The following BLNK variants were observed in gnomAD, a reference collection of about 807,000 sequenced individuals.
BLNK encodes B cell linker.
BLNK carries 29 observed loss-of-function variants against 73.5 expected under a neutral mutation model. The observed-to-expected ratio is 0.39, with a 90% CI of 0.29 to 0.54. The LOEUF is 0.54. Ranked by LOEUF, BLNK falls within the 20% of genes least tolerant of loss-of-function variation. BLNK has a pLI of 0.61. For missense variants in BLNK, 460 were observed against 562.8 expected (o/e 0.82, Z 1.85); for synonymous variants, 176 against 200.8 (o/e 0.88, Z 1.04).
At chr10:96,203,991 C>A in intron 13 of BLNK, 66 bp downstream of exon 13, 8 of 1,376,458 alleles carry the variant, frequency 5.8e-6, no homozygotes, top group Non-Finnish European at 8.3e-6. Context: ...AGAACCCAGG[C>A]CTATCAGACT....
At position 96,246,823 on chromosome 10, in the gene BLNK, T is replaced by A. The variant is rs185761097; in HGVS notation, c.113+161A>T. On this transcript the variant is annotated intron_variant, in intron 2 of 16. Transcript: ENST00000224337. ...TGCACTCACTTGTCCTGTTCCAGAATGTAGACCTGGCCACCATGGATTCCA... is the reference window on the plus strand; with the variant it reads ...TGCACTCACTTGTCCTGTTCCAGAAAGTAGACCTGGCCACCATGGATTCCA... Among the ~76,000 whole-genome samples, 585 of 152,332 alleles carry A rather than the reference T, an allele frequency of 3.8e-3. 5 individuals carry two copies. The highest frequency in any genetic ancestry group is 0.013 in the African/African-American group (544 of 41,566).
rs2083316937 is a variant in BLNK at position 96,190,858 on chromosome 10, C to T, written c.*1115G>A. Among the ~76,000 whole-genome samples, 1 of 152,212 alleles carries T rather than the reference C, an allele frequency of 6.6e-6. No individual in the cohort carries two copies. Among genetic ancestry groups the T allele is most frequent in the Non-Finnish European group, 1.5e-5 (1 of 68,038 alleles). On this transcript the variant is annotated 3_prime_UTR_variant, in exon 17 of 17. Coordinates refer to ENST00000224337, the MANE Select transcript of BLNK (RefSeq NM_013314.4). ...TTTATTCCTTGGTGTTCACCAATGT[C>T]TGCTTTTCTGCTCTTGTTTTGTGGG...
chr10:96,255,137 C>T (rs1843455839), intron 1 of BLNK, among the ~76,000 whole-genome samples: 2 of 152,234 alleles, frequency 1.3e-5, no homozygotes, highest in Admixed American at 1.3e-4. Flanking sequence ...TAGTGAGAAT[C>T]CACAGAAGGG....
At chr10:96,256,279 G>A (rs1318202992) in intron 1 of BLNK, among the ~76,000 whole-genome samples, 1 of 152,104 alleles carries the variant, frequency 6.6e-6, no homozygotes, top group Non-Finnish European at 1.5e-5. Flanking sequence ...AGAAATCTCT[G>A]TAATGTTTTC....
Position 96,215,318 on chromosome 10 carries a change from T to G in BLNK, c.676+3A>C. 1 of 1,613,848 alleles carries G rather than the reference T, an allele frequency of 6.2e-7. No individual in the cohort carries two copies. Among genetic ancestry groups the G allele is most frequent in the Non-Finnish European group, 8.5e-7 (1 of 1,179,722 alleles). ...ACCAAACCAAATCACACATACACTTTACCTGAAGCTGTTCCTGGAGGAGAG... is the reference window on the plus strand; with the variant it reads ...ACCAAACCAAATCACACATACACTTGACCTGAAGCTGTTCCTGGAGGAGAG... On this transcript the variant is annotated splice_donor_region_variant and intron_variant, in intron 8 of 16. Coordinates refer to ENST00000224337, the MANE Select transcript of BLNK (RefSeq NM_013314.4).
chr10:96,226,916 C>A (rs1554902632), intron 5 of BLNK, among the ~76,000 whole-genome samples: 1 of 151,926 alleles, frequency 6.6e-6, no homozygotes. Flanking sequence ...AGGCTTGGGG[C>A]TCCTGAGCAC....
intron 16 of BLNK, among the ~76,000 whole-genome samples, chr10:96,196,439 C>T (rs1309454051): frequency 1.3e-5 from 2 of 152,086 alleles, no homozygotes; most frequent in African/African-American, 4.8e-5. Flanking sequence ...TTGCTCCAGG[C>T]CCATAAGCTC....
intron 8 of BLNK, 82 bp downstream of exon 8, chr10:96,215,239 C>T: frequency 7.8e-6 from 11 of 1,410,642 alleles, no homozygotes; most frequent in Middle Eastern, 1.8e-4. Context: ...TTTGGAAATA[C>T]AAGTGATTAC....
At chr10:96,224,851 C>T (rs2134023273) in intron 5 of BLNK, among the ~76,000 whole-genome samples, 1 of 152,220 alleles carries the variant, frequency 6.6e-6, no homozygotes, top group Non-Finnish European at 1.5e-5. Context: ...GCACCCACCA[C>T]CATGCCTGGC....
intron 1 of BLNK, among the ~76,000 whole-genome samples, chr10:96,249,799 A>C (rs73318815): frequency 6.6e-6 from 1 of 152,108 alleles, no homozygotes; most frequent in Admixed American, 6.5e-5. Flanking sequence ...CAACCACATA[A>C]TCCCTCTCTG....
intron 1 of BLNK, among the ~76,000 whole-genome samples, chr10:96,247,806 C>T (rs1382015833): frequency 6.6e-6 from 1 of 152,206 alleles, no homozygotes; most frequent in African/African-American, 2.4e-5. Context: ...TGATCACCTT[C>T]TGCAACCAAT....
chr10:96,211,956 G>C (rs2083958362), intron 8 of BLNK, among the ~76,000 whole-genome samples: 1 of 152,242 alleles, frequency 6.6e-6, no homozygotes, highest in African/African-American at 2.4e-5. Context: ...GTCTAAGTCT[G>C]AATTTCATCC....
chr10:96,255,652 C>T (rs1361482080), intron 1 of BLNK, among the ~76,000 whole-genome samples: 1 of 152,176 alleles, frequency 6.6e-6, no homozygotes, highest in Admixed American at 6.5e-5. Context: ...CCTTCTTCAT[C>T]CCCCGCATCT....
intron 1 of BLNK, 47 bp from the exon 2 acceptor site, chr10:96,247,096 T>C (rs2134093317): frequency 7.2e-7 from 1 of 1,396,088 alleles, no homozygotes; most frequent in Middle Eastern, 1.8e-4. Context: ...CCAGTCTGAC[T>C]TTTTAAAAAA....
At chr10:96,230,398 G>C (rs1275954066) in intron 4 of BLNK, among the ~76,000 whole-genome samples, 4 of 152,138 alleles carry the variant, frequency 2.6e-5, no homozygotes, top group African/African-American at 7.2e-5. Context: ...TTTAGTTGTT[G>C]GTTCGTTTAG....
chr10:96,253,754 G>A (rs200562936), intron 1 of BLNK, among the ~76,000 whole-genome samples: 6 of 151,960 alleles, frequency 3.9e-5, no homozygotes, highest in Non-Finnish European at 8.8e-5. Context: ...GATGGCTCAC[G>A]CCTGTAATCC....
At chr10:96,194,768 A>ATTTATT (rs2083416466) in intron 16 of BLNK, among the ~76,000 whole-genome samples, 1 of 110,286 alleles carries the variant, frequency 9.1e-6, no homozygotes, top group Non-Finnish European at 1.8e-5. Context: ...AGAAATGCAA[A>ATTTATT]TTTTTTTTTT....
rs112443929 is a variant in BLNK at position 96,215,239 on chromosome 10, C to A, written c.676+82G>T. On this transcript the variant is annotated intron_variant, in intron 8 of 16. Transcript: ENST00000224337. The stretch of plus-strand genomic sequence containing the variant: ...CCCAATATTAAGACATTTGGAAATA[C>A]AAGTGATTACTCTTCATAGTTGATC... 21 of 1,410,528 alleles carry A rather than the reference C, an allele frequency of 1.5e-5. No homozygotes were observed. In the African/African-American group the frequency reaches 2.8e-4, roughly 19 times the overall value. The allele number at this position is 1,410,528 out of a possible 1,614,324, so 87.4% of individuals were successfully genotyped here.
intron 4 of BLNK, among the ~76,000 whole-genome samples, chr10:96,228,082 C>G (rs1191720913): frequency 3.0e-5 from 3 of 100,156 alleles, no homozygotes; most frequent in African/African-American, 1.0e-4. Flanking sequence ...TCAGGGTTTG[C>G]TCTCTTTTTT....
Sources: allele counts gnomAD v4.1 joint callset (sites outside exome capture counted in the v4.1 genomes callset), GRCh38; gene constraint gnomAD v4.1.1; transcripts MANE v1.5; gene names NCBI Gene and HGNC (gene_info 2026-07-23, HGNC 2026-07-21).